The following SLC39A10 variants were observed in gnomAD, a reference collection of about 807,000 sequenced individuals.
SLC39A10 encodes the protein solute carrier family 39 member 10, also known as zinc transporter ZIP10.
A neutral mutation model predicts 65.1 loss-of-function variants in SLC39A10; 13 were observed. The ratio of observed to expected loss-of-function variants is 0.20; its 90% CI spans 0.13 to 0.32. The LOEUF is 0.32. Ranked by LOEUF, SLC39A10 falls within the 10% of genes least tolerant of loss-of-function variation. The pLI is 1.00. For synonymous variants in SLC39A10, 321 were observed against 342.2 expected (o/e 0.94, Z 0.68); for missense variants, 831 against 1,018.4 (o/e 0.82, Z 2.50).
upstream of SLC39A10, chr2:195,656,790 G>C (rs1292636790): frequency 6.6e-6 from 1 of 152,214 alleles, no homozygotes; most frequent in African/African-American, 2.4e-5. Context: ...TTTGGGTTTA[G>C]AGCTTCCATT....
chr2:195,640,867 C>T (rs1688799693), intron 2 of SLC39A10, among the ~76,000 whole-genome samples: 2 of 152,026 alleles, frequency 1.3e-5, no homozygotes, highest in Non-Finnish European at 2.9e-5. Flanking sequence ...GATAGGGTGT[C>T]GACAGGTTAA....
intron 3 of SLC39A10, among the ~76,000 whole-genome samples, chr2:195,706,135 T>C (rs1691388651): frequency 6.6e-6 from 1 of 152,140 alleles, no homozygotes. Context: ...TATGAATATA[T>C]TTCCATTTGG....
intron 1 of SLC39A10, chr2:195,657,661 G>A (rs1689207127): frequency 1.0e-6 from 1 of 982,050 alleles, no homozygotes; most frequent in Non-Finnish European, 1.2e-6. Context: ...ACCGCTGGGC[G>A]GGTGGCGGCG....
intron 2 of SLC39A10, among the ~76,000 whole-genome samples, chr2:195,621,446 T>C (rs892181371): frequency 1.3e-5 from 2 of 152,224 alleles, no homozygotes; most frequent in Admixed American, 1.3e-4. Context: ...AGGAAGTGTT[T>C]GATGGAGTTT....
intron 2 of SLC39A10, among the ~76,000 whole-genome samples, chr2:195,643,788 A>C (rs1001199415): frequency 1.3e-5 from 2 of 152,220 alleles, no homozygotes; most frequent in African/African-American, 4.8e-5. Context: ...GTAGCCCACA[A>C]ATAAGTTGAT....
intron 9 of SLC39A10, among the ~76,000 whole-genome samples, chr2:195,729,128 C>T (rs1410964378): frequency 1.3e-5 from 2 of 151,796 alleles, no homozygotes; most frequent in Non-Finnish European, 2.9e-5. Context: ...CCTGCCACCA[C>T]AGCCAGCAAA....
upstream of SLC39A10, among the ~76,000 whole-genome samples, chr2:195,656,421 G>A (rs1389052107): frequency 1.3e-5 from 2 of 152,158 alleles, no homozygotes; most frequent in African/African-American, 4.8e-5. Flanking sequence ...TGGCTGGATC[G>A]GGATTTTTTT....
intron 1 of SLC39A10, among the ~76,000 whole-genome samples, chr2:195,670,763 T>A (rs1689826179): frequency 1.3e-5 from 2 of 152,192 alleles, no homozygotes; most frequent in South Asian, 4.1e-4. Context: ...TCTGAACTAA[T>A]TTTACAACTT....
chr2:195,698,383 A>C (rs1303141138), intron 3 of SLC39A10, among the ~76,000 whole-genome samples: 1 of 152,128 alleles, frequency 6.6e-6, no homozygotes, highest in Admixed American at 6.6e-5. Flanking sequence ...GAAAGCAAGC[A>C]TCCTTGTTTT....
chr2:195,680,815 G>T lies in SLC39A10; in HGVS notation c.773G>T (p.Gly258Val). The change falls in exon 2 of 10, where the codon GGT (glycine) becomes GTT (valine). Residue 258 changes from glycine to valine, a missense_variant. Gly to Val is a moderately radical substitution (Grantham distance 109, BLOSUM62 -3). Transcript: ENST00000359634. Reference protein sequence around the residue: ...TPGFPPNHDQGEQYEHNRVHK... With the variant: ...TPGFPPNHDQVEQYEHNRVHK... ...GGTTTTCCCCCTAACCATGATCAGG[G>T]TGAACAGTATGAGCATAATCGGGTC... The T allele has an allele frequency of 1.2e-6, 2 of 1,614,100 alleles. No homozygotes were observed. The highest frequency in any genetic ancestry group is 1.7e-6 in the Non-Finnish European group (2 of 1,180,022).
chr2:195,664,139 C>T (rs1165771155), intron 1 of SLC39A10, among the ~76,000 whole-genome samples: 1 of 35,230 alleles, frequency 2.8e-5, no homozygotes, highest in East Asian at 5.4e-4. Context: ...TCTTTAAATT[C>T]ACTGTAAATA....
intron 5 of SLC39A10, among the ~76,000 whole-genome samples, chr2:195,710,879 A>T (rs371697305): frequency 6.6e-6 from 1 of 152,162 alleles, no homozygotes; most frequent in Admixed American, 6.5e-5. Flanking sequence ...AGAATAAAAT[A>T]TGGTGGGAGG....
intron 3 of SLC39A10, among the ~76,000 whole-genome samples, chr2:195,695,612 T>G (rs1690923827): frequency 6.6e-6 from 1 of 152,182 alleles, no homozygotes; most frequent in African/African-American, 2.4e-5. Context: ...CCTCCAAAGG[T>G]CTGTGAATTC....
intron 8 of SLC39A10, among the ~76,000 whole-genome samples, chr2:195,721,790 A>G (rs565634532): frequency 6.6e-6 from 1 of 152,238 alleles, no homozygotes; most frequent in East Asian, 1.9e-4. Flanking sequence ...TATACTAGAA[A>G]AACCTCCAAC....
chr2:195,702,389 A>G (rs945529302), intron 3 of SLC39A10, among the ~76,000 whole-genome samples: 88 of 152,354 alleles, frequency 5.8e-4, no homozygotes, highest in African/African-American at 2.0e-3. Context: ...GCAGATGGGT[A>G]GCTGCCACTA....
At chr2:195,699,276 C>G (rs991058730) in intron 3 of SLC39A10, among the ~76,000 whole-genome samples, 1 of 151,704 alleles carries the variant, frequency 6.6e-6, no homozygotes, top group African/African-American at 2.4e-5. Context: ...TTTTTCTGCT[C>G]TCTATTCATT....
In SLC39A10 at chr2:195,680,650, C is replaced by G. The variant is rs1690267694; in HGVS notation, c.608C>G (p.Pro203Arg). The stretch of plus-strand genomic sequence containing the variant: ...CATTTTCATAATGATTCCATTACTC[C>G]CAGTGAGCGTGGGGAGCCTAGCAAT... ...THHFHNDSIT[P>R]SERGEPSNEP... is the part of the protein sequence containing the mutation. The change falls in exon 2 of 10, where the codon CCC becomes CGC. Residue 203 changes from proline (P) to arginine (R), a missense_variant. Pro to Arg is a moderately radical substitution (Grantham distance 103). This residue lies in a region of SLC39A10 where 446 missense variants were observed against 499.2 expected (regional missense o/e 0.89). Coordinates refer to ENST00000359634, the MANE Select transcript of SLC39A10 (RefSeq NM_020342.3). The G allele has an allele frequency of 1.2e-6, 2 of 1,614,056 alleles. No individual in the cohort carries two copies.
At chr2:195,694,727 C>T (rs758642728) in intron 3 of SLC39A10, among the ~76,000 whole-genome samples, 1 of 152,132 alleles carries the variant, frequency 6.6e-6, no homozygotes, top group African/African-American at 2.4e-5. Context: ...TGTTGGTTGG[C>T]ATCGAGCCAG....
chr2:195,642,094 G>C (rs921397708), intron 2 of SLC39A10, among the ~76,000 whole-genome samples: 1 of 152,084 alleles, frequency 6.6e-6, no homozygotes, highest in Non-Finnish European at 1.5e-5. Flanking sequence ...TGTTTAACCC[G>C]AGGGTTATGG....
Sources: allele counts gnomAD v4.1 joint callset (sites outside exome capture counted in the v4.1 genomes callset), GRCh38; gene constraint gnomAD v4.1.1; regional missense constraint gnomAD v4.1.1; transcripts MANE v1.5; gene names NCBI Gene and HGNC (gene_info 2026-07-23, HGNC 2026-07-21).